PLPPR1: variants seen among roughly 807,000 people sequenced by gnomAD.
PLPPR1 encodes the protein phospholipid phosphatase-related protein type 1.
In PLPPR1, 10 loss-of-function variants were observed where a neutral mutation model predicts 33.1. That is an observed-to-expected ratio of 0.30 (90% CI 0.19 to 0.51). The LOEUF (loss-of-function observed/expected upper bound fraction) is 0.51. Ranked by LOEUF, PLPPR1 falls within the 20% of genes least tolerant of loss-of-function variation. The pLI, the probability that PLPPR1 is intolerant of heterozygous loss-of-function variation, is 0.97. For synonymous variants in PLPPR1, 151 were observed against 151.0 expected, an observed-to-expected ratio of 1.00 and a Z score of 0.00; for missense variants, 304 against 408.1, an observed-to-expected ratio of 0.74 and a Z score of 2.20.
chr9:101,291,755 A>G (rs1199734022), intron 4 of PLPPR1, among the ~76,000 whole-genome samples: 1 of 152,214 alleles, frequency 6.6e-6, no homozygotes, highest in African/African-American at 2.4e-5. Context: ...GAAAACTAAC[A>G]AACAGAAAGG....
intron 7 of PLPPR1, among the ~76,000 whole-genome samples, chr9:101,321,817 A>G (rs1051719930): frequency 6.7e-6 from 1 of 148,266 alleles, no homozygotes; most frequent in African/African-American, 2.4e-5. Flanking sequence ...GTATATATAT[A>G]TGTTACATAC....
In PLPPR1 at chr9:101,157,735, C is replaced by T. The variant is rs373050544; in HGVS notation, c.-45-27715C>T. ...AACTTATAGGGGCCGGGCATGGTGACTCATGCCTGTAATCTCTGCACTTTG... is the reference window on the plus strand; with the variant it reads ...AACTTATAGGGGCCGGGCATGGTGATTCATGCCTGTAATCTCTGCACTTTG... On this transcript the variant is annotated intron_variant, in intron 1 of 7. Transcript: ENST00000374874. Among the ~76,000 whole-genome samples, 305 of 152,234 alleles carry T rather than the reference C, an allele frequency of 2.0e-3. 2 individuals carry two copies. Among genetic ancestry groups the T allele is most frequent in the African/African-American group, 7.0e-3 (291 of 41,540 alleles).
chr9:101,240,409 A>ACTGTTTTTTTTTTTTTTTT (rs1564012614), intron 2 of PLPPR1, among the ~76,000 whole-genome samples: 12 of 151,796 alleles, frequency 7.9e-5, no homozygotes, highest in African/African-American at 2.2e-4. Context: ...AAATTTTAGA[A>ACTGTTTTTTTTTTTTTTTT]TTGTTTTTTT....
chr9:101,043,384 T>C (rs1830105778), intron 1 of PLPPR1, among the ~76,000 whole-genome samples: 1 of 151,540 alleles, frequency 6.6e-6, no homozygotes, highest in African/African-American at 2.4e-5. Context: ...TATATACGTA[T>C]ATACATACAC....
chr9:101,242,740 AT>A (rs953082820), intron 2 of PLPPR1, among the ~76,000 whole-genome samples: 1 of 152,084 alleles, frequency 6.6e-6, no homozygotes, highest in African/African-American at 2.4e-5. Flanking sequence ...ATTCATGCAC[AT>A]TGAGTTAACC....
intron 4 of PLPPR1, among the ~76,000 whole-genome samples, chr9:101,297,027 A>G (rs1382352150): frequency 1.3e-5 from 2 of 152,212 alleles, no homozygotes; most frequent in South Asian, 2.1e-4. Context: ...ATATAAGTGT[A>G]TATGTGTATT....
At chr9:101,031,616 T>C (rs1829946947) in intron 1 of PLPPR1, among the ~76,000 whole-genome samples, 1 of 152,220 alleles carries the variant, frequency 6.6e-6, no homozygotes, top group African/African-American at 2.4e-5. Flanking sequence ...ATCATCAAGG[T>C]AACAGGTATT....
chr9:101,205,500 G>T (rs1826572421), intron 2 of PLPPR1, among the ~76,000 whole-genome samples: 2 of 152,094 alleles, frequency 1.3e-5, no homozygotes, highest in African/African-American at 4.8e-5. Context: ...TAAATAGTAG[G>T]TATGAGATGT....
intron 1 of PLPPR1, among the ~76,000 whole-genome samples, chr9:101,086,149 TA>T (rs751733717): frequency 6.6e-5 from 10 of 152,216 alleles, no homozygotes; most frequent in African/African-American, 9.6e-5. Flanking sequence ...CTACTGTCTT[TA>T]ATGTAGCTTC....
chr9:101,075,613 T>A (rs975267351), intron 1 of PLPPR1, among the ~76,000 whole-genome samples: 3 of 152,210 alleles, frequency 2.0e-5, no homozygotes, highest in Admixed American at 6.5e-5. Context: ...TGCTATCTGG[T>A]TTCCTCCACA....
intron 1 of PLPPR1, among the ~76,000 whole-genome samples, chr9:101,177,551 A>T (rs1452376121): frequency 2.0e-5 from 3 of 152,180 alleles, no homozygotes; most frequent in African/African-American, 7.2e-5. Context: ...CATTCTTCAA[A>T]ATAGTTGTTC....
At position 101,144,664 on chromosome 9, in the gene PLPPR1, C is replaced by A. The variant is rs114925079; in HGVS notation, c.-45-40786C>A. On this transcript the variant is annotated intron_variant, in intron 1 of 7. Coordinates refer to ENST00000374874, the MANE Select transcript of PLPPR1 (RefSeq NM_207299.2). The stretch of plus-strand genomic sequence containing the variant: ...GATTAATTTCTGTTCTTGAGGCCAT[C>A]CAGTCTGTGACATTTTGTGATGGCA... Among the ~76,000 whole-genome samples the A allele has an allele frequency of 8.7e-3, 1,320 of 152,280 alleles. 17 individuals are homozygous for A. Among genetic ancestry groups the A allele is most frequent in the African/African-American group, 0.026 (1,082 of 41,570 alleles).
At chr9:101,147,136 G>A (rs1421214694) in intron 1 of PLPPR1, among the ~76,000 whole-genome samples, 1 of 152,100 alleles carries the variant, frequency 6.6e-6, no homozygotes, top group African/African-American at 2.4e-5. Context: ...TGGTTTGATG[G>A]CCTCATTTGA....
intron 2 of PLPPR1, among the ~76,000 whole-genome samples, chr9:101,206,919 C>T (rs1244904181): frequency 2.0e-5 from 3 of 151,926 alleles, no homozygotes; most frequent in Non-Finnish European, 4.4e-5. Context: ...ATTGCCAAGC[C>T]AGGACTTATA....
intron 1 of PLPPR1, among the ~76,000 whole-genome samples, chr9:101,124,717 C>A (rs865935149): frequency 3.9e-5 from 6 of 152,224 alleles, no homozygotes; most frequent in African/African-American, 1.4e-4. Flanking sequence ...CAGGATAGAT[C>A]TTCAGATGTT....
chr9:101,099,130 T>A (rs2993806), intron 1 of PLPPR1, among the ~76,000 whole-genome samples: 1 of 149,892 alleles, frequency 6.7e-6, no homozygotes, highest in Non-Finnish European at 1.5e-5. Flanking sequence ...GAGGAGTGTG[T>A]TGGTCAGTGG....
chr9:101,194,476 G>A (rs12353249), intron 2 of PLPPR1, among the ~76,000 whole-genome samples: 19,193 of 152,130 alleles, frequency 0.13, 1,437 homozygotes, highest in East Asian at 0.28. Context: ...CTGACCGGGC[G>A]TGGTGGCTCA....
At chr9:101,192,167 G>T (rs1291253552) in intron 2 of PLPPR1, among the ~76,000 whole-genome samples, 1 of 152,072 alleles carries the variant, frequency 6.6e-6, no homozygotes, top group Non-Finnish European at 1.5e-5. Context: ...TTTGAAAAAC[G>T]AATTTCTCTT....
intron 2 of PLPPR1, among the ~76,000 whole-genome samples, chr9:101,226,379 GAA>G (rs1277743346): frequency 6.6e-6 from 1 of 152,146 alleles, no homozygotes; most frequent in Non-Finnish European, 1.5e-5. Context: ...TGAAGCTACT[GAA>G]AGTCACTGAT....
Sources: gnomAD v4.1 joint callset for allele counts (sites outside exome capture counted in the v4.1 genomes callset) on GRCh38, gnomAD v4.1.1 for gene constraint, MANE v1.5 for transcripts, NCBI Gene and HGNC (gene_info 2026-07-23, HGNC 2026-07-21) for gene names.